The following FAM83B variants were observed in gnomAD, a reference collection of about 807,000 sequenced individuals.
FAM83B encodes protein FAM83B.
Under a neutral mutation model 38.8 loss-of-function variants are expected in FAM83B, and 26 were observed. That is an observed-to-expected ratio of 0.67 (90% CI 0.49 to 0.93). FAM83B has a LOEUF of 0.93. Ranked by LOEUF, FAM83B falls within the 40% of genes least tolerant of loss-of-function variation. The pLI is 0.00. For missense variants in FAM83B, 1,237 were observed against 1,197.3 expected (o/e 1.03, Z -0.49); for synonymous variants, 419 against 423.1 (o/e 0.99, Z 0.12).
At chr6:54,853,730 T>C (rs1190649791) in intron 1 of FAM83B, among the ~76,000 whole-genome samples, 1 of 152,234 alleles carries the variant, frequency 6.6e-6, no homozygotes, top group Non-Finnish European at 1.5e-5. Flanking sequence ...GTTGTTTTCA[T>C]GCCTTCTGAC....
At chr6:54,936,807 C>T (rs1013030492) in intron 4 of FAM83B, among the ~76,000 whole-genome samples, 8 of 150,866 alleles carry the variant, frequency 5.3e-5, no homozygotes, top group African/African-American at 2.0e-4. Flanking sequence ...CTTGATAGTT[C>T]ACTGTTCATT....
chr6:54,873,420 A>G (rs1167029897), intron 2 of FAM83B, among the ~76,000 whole-genome samples: 1 of 152,278 alleles, frequency 6.6e-6, no homozygotes, highest in Admixed American at 6.5e-5. Context: ...TAAAAGAACA[A>G]ATATGAAATA....
At chr6:54,923,866 CTTT>C (rs71547979) in intron 2 of FAM83B, among the ~76,000 whole-genome samples, 2 of 142,502 alleles carry the variant, frequency 1.4e-5, no homozygotes, top group African/African-American at 2.6e-5. Context: ...TTTCTTTTTT[CTTT>C]TTTTTTTTTT....
chr6:54,862,876 C>A (rs561830441), intron 1 of FAM83B, among the ~76,000 whole-genome samples: 139 of 151,620 alleles, frequency 9.2e-4, no homozygotes, highest in Non-Finnish European at 1.0e-3. Context: ...AAAACCCCCC[C>A]CCAAAAAAAC....
chr6:54,883,037 G>C (rs931528903), intron 2 of FAM83B, among the ~76,000 whole-genome samples: 1 of 151,812 alleles, frequency 6.6e-6, no homozygotes, highest in African/African-American at 2.4e-5. Flanking sequence ...TCCGCCTCCC[G>C]GGAGCTTCTC....
At chr6:54,868,490 A>G (rs922618584) in intron 1 of FAM83B, among the ~76,000 whole-genome samples, 2 of 152,344 alleles carry the variant, frequency 1.3e-5, no homozygotes, top group South Asian at 2.1e-4. Flanking sequence ...ATCCCAATAC[A>G]TGTCAATAGA....
intron 2 of FAM83B, among the ~76,000 whole-genome samples, chr6:54,872,582 T>G (rs1362778992): frequency 1.3e-5 from 2 of 152,210 alleles, no homozygotes; most frequent in African/African-American, 4.8e-5. Flanking sequence ...ATTGCATTAT[T>G]GTGATACAAA....
At chr6:54,939,638 T>C in intron 4 of FAM83B, 68 bp from the exon 5 acceptor site, 1 of 1,394,940 alleles carries the variant, frequency 7.2e-7, no homozygotes, top group Non-Finnish European at 9.6e-7. Flanking sequence ...AGTGATACTT[T>C]TTTTAGTAGA....
rs1480976820 is a variant in FAM83B, at chr6:54,915,582, G to A, written c.445-10789G>A. On this transcript the variant is annotated intron_variant, in intron 2 of 4. Transcript: ENST00000306858. The stretch of plus-strand genomic sequence containing the variant: ...AGCACTTTGGGAGGCCGAGGCGGGT[G>A]GATCATGAGGTCAGGAGATCGAGAC... Among the ~76,000 whole-genome samples, 8 of 91,396 alleles carry A rather than the reference G, an allele frequency of 8.8e-5. No homozygotes were observed. In the East Asian group the frequency reaches 1.6e-3, roughly 19 times the overall value. 60.0% of individuals were successfully genotyped at this position (91,396 alleles called of 152,430 possible).
At position 54,881,142 on chromosome 6, in the gene FAM83B, A is replaced by G. The variant is rs116570539; in HGVS notation, c.444+10452A>G. ...TGTGTCTCCCACAGAATTTAAAAAC[A>G]CTAAGATTGACTAGATGGCAGTCTG... On this transcript the variant is annotated intron_variant, in intron 2 of 4. Coordinates refer to ENST00000306858, the MANE Select transcript of FAM83B (RefSeq NM_001010872.3). Among the ~76,000 whole-genome samples the G allele has an allele frequency of 3.2e-3, 488 of 152,336 alleles. 2 individuals are homozygous for G. The highest frequency in any genetic ancestry group is 0.011 in the African/African-American group (471 of 41,580).
intron 2 of FAM83B, among the ~76,000 whole-genome samples, chr6:54,896,082 G>A (rs1772525353): frequency 6.6e-6 from 1 of 152,092 alleles, no homozygotes; most frequent in Non-Finnish European, 1.5e-5. Flanking sequence ...AGTAGAGACA[G>A]GGTTTCACCA....
intron 2 of FAM83B, among the ~76,000 whole-genome samples, chr6:54,922,910 T>G (rs1773202298): frequency 6.6e-6 from 1 of 152,102 alleles, no homozygotes; most frequent in Non-Finnish European, 1.5e-5. Context: ...TTTTCTGGTC[T>G]CTGTCACTCT....
chr6:54,856,365 A>T (rs1391387815), intron 1 of FAM83B, among the ~76,000 whole-genome samples: 1 of 152,174 alleles, frequency 6.6e-6, no homozygotes, highest in African/African-American at 2.4e-5. Flanking sequence ...TTTCTGGTTC[A>T]GGTGTGGTTT....
At chr6:54,889,184 C>T (rs1772346419) in intron 2 of FAM83B, among the ~76,000 whole-genome samples, 2 of 152,020 alleles carry the variant, frequency 1.3e-5, no homozygotes, top group African/African-American at 4.8e-5. Flanking sequence ...ACAGTTGTGT[C>T]ACAGTCTGTT....
In FAM83B at chr6:54,940,478, G is replaced by T; in HGVS notation, c.1507G>T (p.Asp503Tyr). 6.2e-7 allele frequency: 1 copy of T among 1,614,072 alleles called. No individual in the cohort carries two copies. The highest frequency in any genetic ancestry group is 8.5e-7 in the Non-Finnish European group (1 of 1,180,020). The change falls in exon 5 of 5, where the codon GAT becomes TAT. Residue 503 changes from aspartate to tyrosine, a missense_variant. Asp to Tyr is a radical substitution (Grantham distance 160, BLOSUM62 -3). Coordinates refer to ENST00000306858, the MANE Select transcript of FAM83B (RefSeq NM_001010872.3). Reference sequence around the variant, plus strand: ...CTGGAGAATTGAATCCTACTTAAATGATCATTCAGAAGCTACACCGGACTC... The same window carrying T: ...CTGGAGAATTGAATCCTACTTAAATTATCATTCAGAAGCTACACCGGACTC... Reference protein sequence around the residue: ...RNWRIESYLNDHSEATPDSNG... With the variant: ...RNWRIESYLNYHSEATPDSNG...
Position 54,941,869 on chromosome 6 carries a change from G to C in FAM83B, c.2898G>C (p.Ala966=). Residue 966 remains alanine (A), a synonymous_variant, in exon 5 of 5, where the codon GCG becomes GCC. Transcript: ENST00000306858. ...TSINRPEIKS[A]TMGNSYGRSS... ...TAAATCGCCCAGAAATAAAATCTGC[G>C]ACTATGGGCAACAGTTATGGCAGGT... is the stretch of plus-strand genomic sequence containing the variant. The C allele has an allele frequency of 1.2e-6, 2 of 1,614,018 alleles. No homozygotes were observed. The highest frequency in any genetic ancestry group is 1.7e-6 in the Non-Finnish European group (2 of 1,179,984).
At chr6:54,910,209 A>C (rs1056543076) in intron 2 of FAM83B, among the ~76,000 whole-genome samples, 1 of 152,178 alleles carries the variant, frequency 6.6e-6, no homozygotes, top group Non-Finnish European at 1.5e-5. Context: ...GATGGATTCT[A>C]TCCAACAATC....
chr6:54,930,406 G>C (rs565925553), intron 4 of FAM83B, among the ~76,000 whole-genome samples: 1 of 152,074 alleles, frequency 6.6e-6, no homozygotes, highest in African/African-American at 2.4e-5. Context: ...TAAATTGGAA[G>C]CACACCTGGG....
At chr6:54,936,385 C>A (rs577501051) in intron 4 of FAM83B, among the ~76,000 whole-genome samples, 1 of 152,108 alleles carries the variant, frequency 6.6e-6, no homozygotes, top group South Asian at 2.1e-4. Flanking sequence ...CTTTTTACTA[C>A]TGGCTCAACA....
Sources: gnomAD v4.1 joint callset for allele counts (sites outside exome capture counted in the v4.1 genomes callset) on GRCh38, gnomAD v4.1.1 for gene constraint, MANE v1.5 for transcripts, NCBI Gene and HGNC (gene_info 2026-07-23, HGNC 2026-07-21) for gene names.